MYOF: variants seen among roughly 807,000 people sequenced by gnomAD.
The protein encoded by MYOF is fer-1-like 3, myoferlin.
MYOF carries 244 observed loss-of-function variants against 284.2 expected under a neutral mutation model. That is an observed-to-expected ratio of 0.86 (90% confidence interval 0.77 to 0.95). The LOEUF is 0.95. Ranked by LOEUF, MYOF falls within the 40% of genes least tolerant of loss-of-function variation. The probability of loss-of-function intolerance (pLI) is 0.00; values close to 1 mark genes in which losing one functional copy is unlikely to be tolerated. For synonymous variants in MYOF, 904 were observed against 919.7 expected (o/e 0.98, Z 0.31); for missense variants, 2,496 against 2,560.6 (o/e 0.97, Z 0.54).
intron 25 of MYOF, among the ~76,000 whole-genome samples, chr10:93,367,175 G>A (rs1414907835): frequency 2.0e-5 from 3 of 152,184 alleles, no homozygotes; most frequent in Non-Finnish European, 4.4e-5. Flanking sequence ...AGGCCTCTCT[G>A]GGAAGCAGGC....
chr10:93,401,348 G>T, intron 12 of MYOF, 70 bp downstream of exon 12: 1 of 1,580,134 alleles, frequency 6.3e-7, no homozygotes, highest in Non-Finnish European at 8.6e-7. Context: ...CACTATTAAA[G>T]TTTGATTTTT....
chr10:93,347,807 AT>A (rs1844301223), intron 36 of MYOF, 25 bp from the exon 37 acceptor site: 3 of 1,602,292 alleles, frequency 1.9e-6, no homozygotes, highest in Non-Finnish European at 2.6e-6. Context: ...GGTAGGTTTC[AT>A]TTCTCAAGAC....
chr10:93,352,913 T>G (rs184760883), intron 32 of MYOF, among the ~76,000 whole-genome samples: 1 of 152,306 alleles, frequency 6.6e-6, no homozygotes, highest in East Asian at 1.9e-4. Context: ...CTGCTCAAAT[T>G]TCTAAGAAAA....
intron 22 of MYOF, among the ~76,000 whole-genome samples, chr10:93,375,665 T>C (rs1297139946): frequency 3.3e-5 from 5 of 152,258 alleles, no homozygotes; most frequent in Non-Finnish European, 7.3e-5. Context: ...TTTAGAATAG[T>C]TGCATAGCAA....
At chr10:93,409,482 T>C (rs1473341856) in intron 6 of MYOF, 91 bp downstream of exon 6, 7 of 1,430,868 alleles carry the variant, frequency 4.9e-6, no homozygotes, top group Non-Finnish European at 6.6e-6. Context: ...CATTGTCCAT[T>C]GGAATAGGTC....
chr10:93,404,649 A>T (rs2134101631), intron 7 of MYOF, among the ~76,000 whole-genome samples: 1 of 151,944 alleles, frequency 6.6e-6, no homozygotes, highest in Admixed American at 6.6e-5. Flanking sequence ...CTCAAAAAAA[A>T]AAAAAAAAAA....
rs967241445 is a variant in MYOF, at chr10:93,431,574, C to T, written c.237-58G>A. 8.0e-6 allele frequency: 10 copies of T among 1,246,620 alleles called. No individual in the cohort carries two copies. In the African/African-American group the frequency reaches 1.3e-4, roughly 17 times the overall value. The allele number at this position is 1,246,620 out of a possible 1,614,324, so 77.2% of individuals were successfully genotyped here. ...TAAGTAGGAGATAGGCTTCCAATGACTCAGGACCTCTCAACCCCTACCTCT... is the reference window on the plus strand; with the variant it reads ...TAAGTAGGAGATAGGCTTCCAATGATTCAGGACCTCTCAACCCCTACCTCT... On this transcript the variant is annotated intron_variant, in intron 3 of 53. Coordinates refer to ENST00000359263, the MANE Select transcript of MYOF (RefSeq NM_013451.4).
At chr10:93,440,945 C>T (rs1025902322) in intron 3 of MYOF, among the ~76,000 whole-genome samples, 3 of 152,194 alleles carry the variant, frequency 2.0e-5, no homozygotes, top group African/African-American at 7.2e-5. Context: ...AGCCTCTCCC[C>T]GTATAGAGAC....
chr10:93,345,574 C>T (rs1344680881), intron 37 of MYOF, among the ~76,000 whole-genome samples: 1 of 152,162 alleles, frequency 6.6e-6, no homozygotes, highest in Admixed American at 6.5e-5. Context: ...AGATAAGCTC[C>T]CCTGCAGATC....
intron 1 of MYOF, among the ~76,000 whole-genome samples, chr10:93,460,259 C>A (rs571530191): frequency 6.6e-6 from 1 of 152,196 alleles, no homozygotes; most frequent in Admixed American, 6.5e-5. Context: ...ACAGAGAACA[C>A]GGAAGACACG....
Position 93,408,933 on chromosome 10 carries a change from G to C in MYOF, c.601-18C>G. The C allele has an allele frequency of 1.9e-6, 3 of 1,613,532 alleles. No individual in the cohort carries two copies. The highest frequency in any genetic ancestry group is 1.7e-5 in the Admixed American group (1 of 60,006). Reference sequence around the variant, plus strand: ...ACGCGGATCTGCAGCACAGAAGGGGGATGGTTACCCAACCTTTCCCAGCAC... The same window carrying C: ...ACGCGGATCTGCAGCACAGAAGGGGCATGGTTACCCAACCTTTCCCAGCAC... On this transcript the variant is annotated intron_variant, in intron 6 of 53. Transcript: ENST00000359263.
chr10:93,431,265 G>A (rs1848852616), intron 4 of MYOF, 143 bp downstream of exon 4: 2 of 557,348 alleles, frequency 3.6e-6, no homozygotes, highest in Non-Finnish European at 6.3e-6. Context: ...CTGACCTCAG[G>A]TGATCCACCC....
Position 93,323,159 on chromosome 10 carries a change from A to T in MYOF, c.5375T>A (p.Val1792Glu). ...PRKAKKYYLRVIIWNTKDVIL... is the reference protein window; with the variant it reads ...PRKAKKYYLREIIWNTKDVIL... ...AACGTCCTTGGTGTTCCAGATGATCACACGCAGGTAGTATCTGCAAGAAGC... is the reference window on the plus strand; with the variant it reads ...AACGTCCTTGGTGTTCCAGATGATCTCACGCAGGTAGTATCTGCAAGAAGC... Residue 1792 changes from valine to glutamate, a missense_variant, in exon 48 of 54, where the codon GTG (valine) becomes GAG (glutamate). Around this residue, in one of 3 missense-constraint regions of MYOF, gnomAD observed 2,436 missense variants for 2,480.7 expected, o/e 0.98. Transcript: ENST00000359263. 1 of 1,614,112 alleles carries T rather than the reference A, an allele frequency of 6.2e-7. No homozygotes were observed. The highest frequency in any genetic ancestry group is 8.5e-7 in the Non-Finnish European group (1 of 1,179,952).
chr10:93,327,636 TC>T (rs1334927719), intron 45 of MYOF, among the ~76,000 whole-genome samples: 1 of 148,144 alleles, frequency 6.8e-6, no homozygotes. Context: ...CCATGATGCT[TC>T]CCAATTTATT....
At chr10:93,409,378 C>A (rs1847788840) in intron 6 of MYOF, among the ~76,000 whole-genome samples, 195 bp downstream of exon 6, 1 of 152,220 alleles carries the variant, frequency 6.6e-6, no homozygotes, top group Admixed American at 6.5e-5. Flanking sequence ...AGACCATCAG[C>A]TGGCTAGACT....
At chr10:93,378,078 C>T (rs753184909) in intron 21 of MYOF, among the ~76,000 whole-genome samples, 1 of 152,176 alleles carries the variant, frequency 6.6e-6, no homozygotes, top group East Asian at 1.9e-4. Context: ...TGCTATTCCC[C>T]ACTCAAAGGA....
In MYOF at chr10:93,361,496, T is replaced by G; in HGVS notation, c.2930A>C (p.Asp977Ala). Residue 977 changes from aspartate (D) to alanine (A), a missense_variant, in exon 28 of 54, where the codon GAT (aspartate) becomes GCT (alanine). Physicochemically the swap from Asp to Ala is moderately radical, Grantham distance 126. This residue lies in a region of MYOF where 2,436 missense variants were observed against 2,480.7 expected (regional missense o/e 0.98). Coordinates refer to ENST00000359263, the MANE Select transcript of MYOF (RefSeq NM_013451.4). ...ATTTATGTCATAAGACCATGCATCA[T>G]CTTCCCATTCCCAACCTGGAGGACA... ...LTCPPGWEWE[D>A]DAWSYDINRA... 6.2e-7 allele frequency: 1 copy of G among 1,614,250 alleles called. No homozygotes were observed. The highest frequency in any genetic ancestry group is 8.5e-7 in the Non-Finnish European group (1 of 1,180,028).
At chr10:93,383,324 G>A (rs1021823975) in intron 19 of MYOF, among the ~76,000 whole-genome samples, 2 of 152,086 alleles carry the variant, frequency 1.3e-5, no homozygotes, top group African/African-American at 4.8e-5. Flanking sequence ...TTTTTGACAT[G>A]GTATAATAGA....
At chr10:93,342,718 A>G (rs1843979632) in intron 38 of MYOF, among the ~76,000 whole-genome samples, 1 of 152,222 alleles carries the variant, frequency 6.6e-6, no homozygotes, top group Non-Finnish European at 1.5e-5. Context: ...ATAAGAATTG[A>G]CTGACGATGA....
Sources: gnomAD v4.1 joint callset for allele counts (sites outside exome capture counted in the v4.1 genomes callset) on GRCh38, gnomAD v4.1.1 for gene constraint, gnomAD v4.1.1 regional missense constraint, MANE v1.5 for transcripts, NCBI Gene and HGNC (gene_info 2026-07-23, HGNC 2026-07-21) for gene names.